Variants in TNFSF11 observed in about 807,000 individuals in gnomAD.
TNFSF11 encodes TNF superfamily member 11.
In TNFSF11, 12 loss-of-function variants were observed where a neutral mutation model predicts 32.2. The ratio of observed to expected loss-of-function variants is 0.37; its 90% CI spans 0.24 to 0.60. The LOEUF (loss-of-function observed/expected upper bound fraction) is 0.60. Among genes scored for constraint, TNFSF11 ranks in the 20% least tolerant of loss-of-function variants. The pLI, the probability that TNFSF11 is intolerant of heterozygous loss-of-function variation, is 0.66. For synonymous variants in TNFSF11, 172 were observed against 152.1 expected (o/e 1.13, Z -0.96); for missense variants, 345 against 398.0 (o/e 0.87, Z 1.13).
At position 42,607,238 on chromosome 13, in the gene TNFSF11, G is replaced by T. The variant is rs1460592197; in HGVS notation, c.*320G>T. On this transcript the variant is annotated 3_prime_UTR_variant, in exon 5 of 5. Coordinates refer to ENST00000398795, the MANE Select transcript of TNFSF11 (RefSeq NM_003701.4). ...GGGAGGGGTTGGTCCCTGGTCATGTGCCCCTTCGCAGCTGAAGTGGAGAGG... is the reference window on the plus strand; with the variant it reads ...GGGAGGGGTTGGTCCCTGGTCATGTTCCCCTTCGCAGCTGAAGTGGAGAGG... 5 of 268,292 alleles carry T rather than the reference G, an allele frequency of 1.9e-5. No homozygotes were observed. In the East Asian group the frequency reaches 4.3e-4, roughly 23 times the overall value. 16.6% of individuals were successfully genotyped at this position (268,292 alleles called of 1,614,324 possible).
chr13:42,596,594 A>G (rs562504514), intron 2 of TNFSF11, among the ~76,000 whole-genome samples: 5 of 152,332 alleles, frequency 3.3e-5, no homozygotes, highest in African/African-American at 1.2e-4. Context: ...TCCATTTCTC[A>G]GTCTGAAAAA....
At chr13:42,593,837 A>C (rs1868635465) in intron 2 of TNFSF11, among the ~76,000 whole-genome samples, 1 of 152,210 alleles carries the variant, frequency 6.6e-6, no homozygotes, top group South Asian at 2.1e-4. Flanking sequence ...TTGCAGAGGG[A>C]GGCAGCCACC....
chr13:42,589,994 C>G (rs1412947931), intron 2 of TNFSF11, among the ~76,000 whole-genome samples: 1 of 152,260 alleles, frequency 6.6e-6, no homozygotes, highest in Non-Finnish European at 1.5e-5. Flanking sequence ...GCCCACCCAC[C>G]TGTGGGGGTA....
intron 2 of TNFSF11, 123 bp downstream of exon 2, chr13:42,581,416 C>A: frequency 9.0e-7 from 1 of 1,112,188 alleles, no homozygotes; most frequent in Middle Eastern, 2.2e-4. Context: ...AAAAGAGCTA[C>A]AGGGAATGCT....
At chr13:42,589,497 T>G (rs931011966) in intron 2 of TNFSF11, among the ~76,000 whole-genome samples, 8 of 152,202 alleles carry the variant, frequency 5.3e-5, no homozygotes, top group African/African-American at 1.7e-4. Context: ...CATCCTTCAG[T>G]AGATCGCTGT....
At chr13:42,572,920 T>C (rs534986311), upstream of TNFSF11, among the ~76,000 whole-genome samples, 1 of 152,278 alleles carries the variant, frequency 6.6e-6, no homozygotes, top group Non-Finnish European at 1.5e-5. Flanking sequence ...GGAAGACTGG[T>C]TCCAGGACAC....
intron 4 of TNFSF11, among the ~76,000 whole-genome samples, chr13:42,604,282 T>C (rs1005654851): frequency 6.6e-6 from 1 of 152,244 alleles, no homozygotes; most frequent in Non-Finnish European, 1.5e-5. Flanking sequence ...TTGCTTTTAC[T>C]AGTGTTCATG....
At chr13:42,603,902 A>C (rs548505791) in intron 4 of TNFSF11, among the ~76,000 whole-genome samples, 1 of 152,340 alleles carries the variant, frequency 6.6e-6, no homozygotes, top group East Asian at 1.9e-4. Context: ...ACTGATCAAA[A>C]GCATGAACCA....
intron 4 of TNFSF11, among the ~76,000 whole-genome samples, chr13:42,604,171 C>A (rs1174813128): frequency 6.6e-6 from 1 of 152,168 alleles, no homozygotes; most frequent in African/African-American, 2.4e-5. Context: ...GATTGAACAA[C>A]AAATTGACTG....
intron 2 of TNFSF11, among the ~76,000 whole-genome samples, chr13:42,567,889 C>T (rs934663141): frequency 3.7e-4 from 56 of 152,218 alleles, no homozygotes; most frequent in African/African-American, 1.3e-3. Context: ...CTAAACAACA[C>T]TAGCTTTGAG....
intron 1 of TNFSF11, among the ~76,000 whole-genome samples, chr13:42,563,964 A>G (rs1379248449): frequency 2.0e-5 from 3 of 152,094 alleles, no homozygotes; most frequent in African/African-American, 7.2e-5. Flanking sequence ...AATTACACAT[A>G]TATTAGACCT....
chr13:42,595,727 CT>C (rs1270413877), intron 2 of TNFSF11, among the ~76,000 whole-genome samples: 1 of 152,168 alleles, frequency 6.6e-6, no homozygotes. Flanking sequence ...TTACAGCTGG[CT>C]TAAAATAAGA....
At chr13:42,578,093 G>T (rs767949586) in intron 1 of TNFSF11, among the ~76,000 whole-genome samples, 1 of 152,156 alleles carries the variant, frequency 6.6e-6, no homozygotes, top group Non-Finnish European at 1.5e-5. Context: ...CCAGTGCCTG[G>T]CATGTCTAAT....
chr13:42,588,711 G>A (rs1258587587), intron 2 of TNFSF11, among the ~76,000 whole-genome samples: 1 of 152,190 alleles, frequency 6.6e-6, no homozygotes, highest in Non-Finnish European at 1.5e-5. Flanking sequence ...AGATCTATCA[G>A]TGGGGACTCT....
intron 2 of TNFSF11, among the ~76,000 whole-genome samples, chr13:42,588,558 G>T (rs917820268): frequency 6.6e-6 from 1 of 152,212 alleles, no homozygotes; most frequent in Non-Finnish European, 1.5e-5. Context: ...GGATAGATTG[G>T]ATTGTTCTAC....
chr13:42,605,108 T>G (rs1305062550), intron 4 of TNFSF11, among the ~76,000 whole-genome samples: 1 of 152,182 alleles, frequency 6.6e-6, no homozygotes, highest in African/African-American at 2.4e-5. Context: ...GATGAGGCTC[T>G]CATAAGGATT....
At chr13:42,591,736 C>G (rs1286259776) in intron 2 of TNFSF11, among the ~76,000 whole-genome samples, 2 of 152,154 alleles carry the variant, frequency 1.3e-5, no homozygotes, top group African/African-American at 2.4e-5. Context: ...GGCAGCGATA[C>G]TAAAGCCTAT....
intron 2 of TNFSF11, among the ~76,000 whole-genome samples, chr13:42,599,304 T>C (rs1420724285): frequency 7.9e-6 from 1 of 127,288 alleles, no homozygotes; most frequent in East Asian, 2.2e-4. Flanking sequence ...TGTTATTGCC[T>C]CTATCTATCT....
chr13:42,580,601 T>C (rs1441569258), intron 1 of TNFSF11, among the ~76,000 whole-genome samples: 2 of 152,098 alleles, frequency 1.3e-5, no homozygotes, highest in Non-Finnish European at 2.9e-5. Context: ...TGGATTTTTC[T>C]CTCCCTTCTT....
Sources: allele counts gnomAD v4.1 joint callset (sites outside exome capture counted in the v4.1 genomes callset), GRCh38; gene constraint gnomAD v4.1.1; transcripts MANE v1.5; gene names NCBI Gene and HGNC (gene_info 2026-07-23, HGNC 2026-07-21).